The following TRMT11 variants were observed in gnomAD, a reference collection of about 807,000 sequenced individuals.
The protein encoded by TRMT11 is tRNA methyltransferase 11.
A neutral mutation model predicts 62.8 loss-of-function variants in TRMT11; 53 were observed. The observed-to-expected ratio is 0.84, with a 90% CI of 0.68 to 1.06. TRMT11 has a LOEUF of 1.06. Among genes scored for constraint, TRMT11 ranks in the 50% least tolerant of loss-of-function variants. TRMT11 has a pLI of 0.00. For missense variants in TRMT11, 556 were observed against 553.4 expected (o/e 1.00, Z -0.05); for synonymous variants, 188 against 190.3 (o/e 0.99, Z 0.10).
intron 17 of TRMT11, among the ~76,000 whole-genome samples, chr6:126,068,859 T>G (rs1296535514): frequency 6.6e-6 from 1 of 152,240 alleles, no homozygotes; most frequent in Non-Finnish European, 1.5e-5. Context: ...AGATTATTTC[T>G]TCTTACTTAG....
chr6:126,002,130 AG>A (rs1389790292), intron 7 of TRMT11, among the ~76,000 whole-genome samples: 1 of 152,124 alleles, frequency 6.6e-6, no homozygotes, highest in Non-Finnish European at 1.5e-5. Context: ...TTCTTTTAGC[AG>A]GGAAATGAAA....
In TRMT11 at chr6:125,986,595, G is replaced by A. The variant is rs1484034449; in HGVS notation, c.45G>A (p.Ala15=). 1.3e-6 allele frequency: 2 copies of A among 1,585,036 alleles called. No homozygotes were observed. Among genetic ancestry groups the A allele is most frequent in the Non-Finnish European group, 1.7e-6 (2 of 1,168,090 alleles). Residue 15 remains alanine (A), a synonymous_variant, in exon 1 of 13, where the codon GCG becomes GCA. Coordinates refer to ENST00000334379, the MANE Select transcript of TRMT11 (RefSeq NM_001031712.3). The stretch of plus-strand genomic sequence containing the variant: ...TTAACAGGTATCTGCTCCTCATGGC[G>A]CAGGAGCATCTGGAGTTCCGCCTGC... ...CTLNRYLLLM[A]QEHLEFRLPE...
intron 1 of TRMT11, among the ~76,000 whole-genome samples, chr6:126,195,209 C>T (rs1778651023): frequency 6.6e-6 from 1 of 152,138 alleles, no homozygotes. Flanking sequence ...TGTGTTTCCT[C>T]TTTTAAAAGG....
rs114379389 is a variant in TRMT11 at position 126,100,182 on chromosome 6, C to T, written c.*1438-12684C>T. Among the ~76,000 whole-genome samples the T allele has an allele frequency of 2.7e-3, 405 of 152,180 alleles. 3 individuals carry two copies. Among genetic ancestry groups the T allele is most frequent in the African/African-American group, 9.4e-3 (389 of 41,514 alleles). On this transcript the variant is annotated intron_variant and NMD_transcript_variant, in intron 17 of 22. Coordinates refer to the TRMT11 transcript ENST00000648977. ...AGGAAGGAGACGTGGAGGACCAAGC[C>T]AGTATGAGATTCTTGAGTTGGTTTC...
chr6:126,246,107 C>T, the TRMT11 span, among the ~76,000 whole-genome samples: 22 of 151,976 alleles, frequency 1.4e-4, no homozygotes, highest in African/African-American at 4.3e-4. Flanking sequence ...ATGGTGAAAC[C>T]TCGTCTCTTA....
chr6:126,189,958 C>T (rs1012246189), intron 1 of TRMT11, among the ~76,000 whole-genome samples: 1 of 151,672 alleles, frequency 6.6e-6, no homozygotes, highest in African/African-American at 2.4e-5. Flanking sequence ...TATTTTCATA[C>T]ATATAATATT....
intron 21 of TRMT11, among the ~76,000 whole-genome samples, chr6:126,169,120 G>C (rs1778301066): frequency 6.6e-6 from 1 of 152,216 alleles, no homozygotes; most frequent in African/African-American, 2.4e-5. Context: ...CACTGAGTCT[G>C]CATTTCTGCA....
intron 11 of TRMT11, among the ~76,000 whole-genome samples, chr6:126,014,707 C>T (rs890597000): frequency 3.3e-5 from 5 of 152,098 alleles, no homozygotes; most frequent in African/African-American, 1.2e-4. Flanking sequence ...TTATGCATTT[C>T]GTTATCAGCT....
chr6:126,236,580 A>T, the TRMT11 span, among the ~76,000 whole-genome samples: 1 of 152,248 alleles, frequency 6.6e-6, no homozygotes, highest in East Asian at 1.9e-4. Context: ...CAGATGCACC[A>T]GGAATGAATT....
At chr6:126,147,534 T>C (rs1488836029) in intron 21 of TRMT11, among the ~76,000 whole-genome samples, 1 of 152,078 alleles carries the variant, frequency 6.6e-6, no homozygotes. Context: ...GGAAACACAA[T>C]CTAGTGTTCA....
chr6:126,074,698 ATGACAAAGTCTCAATT>A (rs911079063), intron 17 of TRMT11, among the ~76,000 whole-genome samples: 1 of 152,190 alleles, frequency 6.6e-6, no homozygotes, highest in Non-Finnish European at 1.5e-5. Context: ...TGCATCCAAA[ATGACAAAGTCTCAATT>A]TTTTATTTCA....
chr6:126,243,246 CA>C, the TRMT11 span, among the ~76,000 whole-genome samples: 1 of 152,234 alleles, frequency 6.6e-6, no homozygotes, highest in African/African-American at 2.4e-5. Flanking sequence ...TACCATCTCA[CA>C]CCAGTCAGAA....
At chr6:126,214,099 C>G in the TRMT11 span, among the ~76,000 whole-genome samples, 1 of 151,986 alleles carries the variant, frequency 6.6e-6, no homozygotes, top group South Asian at 2.1e-4. Flanking sequence ...CCCACTTGAT[C>G]ATGATGGAGT....
At chr6:126,082,189 C>T (rs915315962) in intron 17 of TRMT11, among the ~76,000 whole-genome samples, 6 of 152,060 alleles carry the variant, frequency 3.9e-5, no homozygotes, top group Admixed American at 3.3e-4. Context: ...GCATATTATG[C>T]CGATACCACC....
upstream of TRMT11, among the ~76,000 whole-genome samples, chr6:126,173,565 G>A (rs2128237430): frequency 6.6e-6 from 1 of 152,296 alleles, no homozygotes; most frequent in South Asian, 2.1e-4. Context: ...CAACTGGTAA[G>A]CAGACCCCAG....
At chr6:125,988,088 GA>G (rs1173504382) in intron 1 of TRMT11, among the ~76,000 whole-genome samples, 1 of 152,228 alleles carries the variant, frequency 6.6e-6, no homozygotes, top group African/African-American at 2.4e-5. Flanking sequence ...GCAAGTGCCA[GA>G]AGGATGTGAG....
At chr6:126,036,615 T>C (rs1775239770) in intron 12 of TRMT11, among the ~76,000 whole-genome samples, 2 of 152,230 alleles carry the variant, frequency 1.3e-5, no homozygotes, top group African/African-American at 4.8e-5. Flanking sequence ...AGGATCAACA[T>C]GGTAGCTGAA....
the TRMT11 span, among the ~76,000 whole-genome samples, chr6:126,267,302 A>G: frequency 6.6e-6 from 1 of 152,206 alleles, no homozygotes; most frequent in Non-Finnish European, 1.5e-5. Flanking sequence ...GGATGTAGGT[A>G]TGATGAGCCT....
At chr6:126,064,417 C>T (rs972102681) in intron 17 of TRMT11, among the ~76,000 whole-genome samples, 1 of 152,116 alleles carries the variant, frequency 6.6e-6, no homozygotes, top group Non-Finnish European at 1.5e-5. Flanking sequence ...TAATACACAG[C>T]TGCTGGGGTA....
Sources: gnomAD v4.1 joint callset for allele counts (sites outside exome capture counted in the v4.1 genomes callset) on GRCh38, gnomAD v4.1.1 for gene constraint, MANE v1.5 for transcripts, NCBI Gene and HGNC (gene_info 2026-07-23, HGNC 2026-07-21) for gene names.